The following ERC2 variants were observed in gnomAD, a reference collection of about 807,000 sequenced individuals.
ERC2 encodes ERC protein 2.
A neutral mutation model predicts 114.8 loss-of-function variants in ERC2; 42 were observed. The ratio of observed to expected loss-of-function variants is 0.37; its 90% CI spans 0.29 to 0.47. The LOEUF (loss-of-function observed/expected upper bound fraction) is 0.47. Ranked by LOEUF, ERC2 falls within the 20% of genes least tolerant of loss-of-function variation. The probability of loss-of-function intolerance (pLI) is 0.99; values close to 1 mark genes in which losing one functional copy is unlikely to be tolerated. For missense variants in ERC2, 939 were observed against 1,150.7 expected, an observed-to-expected ratio of 0.82 and a Z score of 2.66; for synonymous variants, 454 against 425.5, an observed-to-expected ratio of 1.07 and a Z score of -0.82.
intron 17 of ERC2, among the ~76,000 whole-genome samples, chr3:55,602,700 T>C (rs1040304475): frequency 3.3e-5 from 5 of 152,042 alleles, no homozygotes; most frequent in African/African-American, 1.2e-4. Context: ...CCCCTTCCCA[T>C]GCTACCACAA....
At chr3:56,075,982 T>G (rs2076951187) in intron 7 of ERC2, among the ~76,000 whole-genome samples, 1 of 152,126 alleles carries the variant, frequency 6.6e-6, no homozygotes, top group South Asian at 2.1e-4. Flanking sequence ...CCCCTGAGGT[T>G]ATCATCATTC....
intron 3 of ERC2, among the ~76,000 whole-genome samples, chr3:56,259,207 G>A (rs2052741836): frequency 6.6e-6 from 1 of 151,926 alleles, no homozygotes; most frequent in Non-Finnish European, 1.5e-5. Flanking sequence ...CCCAACCTCA[G>A]GTGATCCACC....
chr3:55,564,796 G>A (rs975634412), intron 17 of ERC2, among the ~76,000 whole-genome samples: 2 of 152,222 alleles, frequency 1.3e-5, no homozygotes, highest in Admixed American at 6.5e-5. Context: ...TAAGGCTGGA[G>A]CTTGCGAGCA....
At chr3:56,357,882 C>T (rs2058804836) in intron 2 of ERC2, among the ~76,000 whole-genome samples, 1 of 151,312 alleles carries the variant, frequency 6.6e-6, no homozygotes, top group African/African-American at 2.4e-5. Context: ...ATGGCCCCCA[C>T]TCCAGGTGTG....
chr3:55,905,419 A>AGTG (rs546135097), intron 13 of ERC2, among the ~76,000 whole-genome samples: 5,652 of 151,352 alleles, frequency 0.037, 230 homozygotes, highest in African/African-American at 0.097. Context: ...AGTTTGGAGT[A>AGTG]GTGGTGGTGG....
chr3:56,381,167 T>A (rs1351393965), intron 2 of ERC2, among the ~76,000 whole-genome samples: 1 of 152,218 alleles, frequency 6.6e-6, no homozygotes, highest in Non-Finnish European at 1.5e-5. Flanking sequence ...GGAAGTCTAC[T>A]TTTTAAAGAA....
intron 17 of ERC2, among the ~76,000 whole-genome samples, chr3:55,592,187 CA>C (rs1469378449): frequency 6.6e-6 from 1 of 152,230 alleles, no homozygotes; most frequent in Non-Finnish European, 1.5e-5. Context: ...AGAGCAATAA[CA>C]AAAGCAGCTC....
At chr3:56,295,919 T>C in intron 3 of ERC2, 100 bp downstream of exon 3, 2 of 1,301,970 alleles carry the variant, frequency 1.5e-6, no homozygotes, top group Non-Finnish European at 2.1e-6. Flanking sequence ...AAAGGGAATT[T>C]TGTTAAGGAT....
intron 17 of ERC2, chr3:55,647,117 G>A (rs2060428270): frequency 6.6e-6 from 1 of 152,070 alleles, no homozygotes; most frequent in African/African-American, 2.4e-5. Flanking sequence ...TGTCCTCTTT[G>A]AACAAAAATC....
chr3:55,977,632 G>A (rs921825063), intron 12 of ERC2, among the ~76,000 whole-genome samples: 1 of 152,166 alleles, frequency 6.6e-6, no homozygotes, highest in African/African-American at 2.4e-5. Flanking sequence ...ATTGTTGATG[G>A]GTCTGTAAAT....
At chr3:56,154,188 G>A (rs923258881) in intron 4 of ERC2, among the ~76,000 whole-genome samples, 15 of 152,196 alleles carry the variant, frequency 9.9e-5, no homozygotes, top group South Asian at 2.1e-4. Flanking sequence ...GTGGTTATAT[G>A]AGCCCAAGTT....
intron 6 of ERC2, among the ~76,000 whole-genome samples, chr3:56,129,361 G>C (rs1383791159): frequency 6.6e-6 from 1 of 152,174 alleles, no homozygotes; most frequent in African/African-American, 2.4e-5. Context: ...TCCAGTGTCA[G>C]GAAAGCATAA....
chr3:55,892,249 A>C (rs2149327381), intron 13 of ERC2, among the ~76,000 whole-genome samples: 1 of 152,368 alleles, frequency 6.6e-6, no homozygotes, highest in South Asian at 2.1e-4. Flanking sequence ...TCACACCTAT[A>C]ATCCCAACAC....
intron 10 of ERC2, among the ~76,000 whole-genome samples, chr3:55,995,433 A>T (rs1169010715): frequency 6.6e-6 from 1 of 152,226 alleles, no homozygotes; most frequent in Non-Finnish European, 1.5e-5. Context: ...ACTGATTTTC[A>T]GGCAAAAGAA....
chr3:56,264,384 G>C (rs2053150568), intron 3 of ERC2, among the ~76,000 whole-genome samples: 1 of 152,104 alleles, frequency 6.6e-6, no homozygotes, highest in South Asian at 2.1e-4. Context: ...ATCACTTGAA[G>C]TCAGGAGTTC....
At chr3:55,543,204 C>G (rs1272609549) in intron 17 of ERC2, among the ~76,000 whole-genome samples, 1 of 152,196 alleles carries the variant, frequency 6.6e-6, no homozygotes, top group African/African-American at 2.4e-5. Context: ...TGTGGAGGAG[C>G]TGTCTCGGAT....
rs1225837335 is a variant in ERC2 at position 56,092,976 on chromosome 3, C to T, written c.1474-11992G>A. On this transcript the variant is annotated intron_variant, in intron 6 of 17. Coordinates refer to ENST00000288221, the MANE Select transcript of ERC2 (RefSeq NM_015576.3). Reference sequence around the variant, plus strand: ...AACTTAAATCACAGATAATTTAGTACTAAGTAATAATTTTGTGATCTTTAG... The same window carrying T: ...AACTTAAATCACAGATAATTTAGTATTAAGTAATAATTTTGTGATCTTTAG... Among the ~76,000 whole-genome samples the T allele has an allele frequency of 2.6e-5, 4 of 152,088 alleles. No homozygotes were observed. The East Asian group carries it at 7.7e-4, about 29-fold the overall frequency.
chr3:56,400,511 G>A (rs2060482019), intron 2 of ERC2, among the ~76,000 whole-genome samples: 1 of 152,110 alleles, frequency 6.6e-6, no homozygotes, highest in South Asian at 2.1e-4. Flanking sequence ...ATATCCTACT[G>A]TGAACAATGC....
chr3:55,742,527 A>G (rs1403900235), intron 14 of ERC2, among the ~76,000 whole-genome samples: 1 of 152,232 alleles, frequency 6.6e-6, no homozygotes, highest in Admixed American at 6.5e-5. Flanking sequence ...TTCCATTAAG[A>G]ATGTTTGGAT....
Sources: gnomAD v4.1 joint callset for allele counts (sites outside exome capture counted in the v4.1 genomes callset) on GRCh38, gnomAD v4.1.1 for gene constraint, MANE v1.5 for transcripts, NCBI Gene and HGNC (gene_info 2026-07-23, HGNC 2026-07-21) for gene names.